The following PLPPR1 variants were observed in gnomAD, a reference collection of about 807,000 sequenced individuals.
PLPPR1 encodes the protein phospholipid phosphatase-related protein type 1.
PLPPR1 carries 10 observed loss-of-function variants against 33.1 expected under a neutral mutation model. That is an observed-to-expected ratio of 0.30 (90% CI 0.19 to 0.51). The LOEUF is 0.51. PLPPR1 is among the 20% of genes least tolerant of loss of function. The pLI, the probability that PLPPR1 is intolerant of heterozygous loss-of-function variation, is 0.97. For synonymous variants in PLPPR1, 151 were observed against 151.0 expected (o/e 1.00, Z 0.00); for missense variants, 304 against 408.1 (o/e 0.74, Z 2.20).
intron 3 of PLPPR1, among the ~76,000 whole-genome samples, chr9:101,275,013 C>G (rs1828163024): frequency 6.6e-6 from 1 of 152,218 alleles, no homozygotes; most frequent in Non-Finnish European, 1.5e-5. Context: ...CAAATCATGA[C>G]TCTCTTTCTG....
Position 101,317,424 on chromosome 9 carries a change from T to C in PLPPR1, c.873T>C (p.Pro291=), listed in dbSNP as rs16920154. The C allele has an allele frequency of 7.5e-3, 12,028 of 1,614,014 alleles. 627 individuals are homozygous for C. In the African/African-American group the frequency reaches 0.12, roughly 16 times the overall value. ...AAGGATCTCCTTCCAAACCCAAGCC[T>C]GAGGATCCCCGTGGAGTACCCCTAA... ...GTQGSPSKPK[P]EDPRGVPLMA... The change falls in exon 7 of 8, where the codon CCT becomes CCC. Residue 291 remains proline, a synonymous_variant. Transcript: ENST00000374874.
intron 1 of PLPPR1, among the ~76,000 whole-genome samples, chr9:101,151,549 A>G (rs1037811748): frequency 1.3e-5 from 2 of 152,230 alleles, no homozygotes; most frequent in Non-Finnish European, 2.9e-5. Context: ...ATCCTAAGCA[A>G]TGAGCTAATT....
rs970849810 is a variant in PLPPR1, at chr9:101,273,024, T to C, written c.252+2956T>C. ...GCTAAATACACAATACCAGACTGGT[T>C]TAATACATTATGTGCCAGCCATGTT... On this transcript the variant is annotated intron_variant, in intron 3 of 7. Transcript: ENST00000374874. Among the ~76,000 whole-genome samples the C allele has an allele frequency of 2.6e-5, 4 of 152,256 alleles. No homozygotes were observed. In the East Asian group the frequency reaches 7.7e-4, roughly 29 times the overall value.
intron 2 of PLPPR1, among the ~76,000 whole-genome samples, chr9:101,250,559 C>G (rs1404611285): frequency 6.6e-6 from 1 of 151,992 alleles, no homozygotes; most frequent in African/African-American, 2.4e-5. Flanking sequence ...GACTTAGTGA[C>G]AGGCTAGGTG....
At chr9:101,045,173 C>G (rs938048940) in intron 1 of PLPPR1, among the ~76,000 whole-genome samples, 1 of 152,168 alleles carries the variant, frequency 6.6e-6, no homozygotes, top group Non-Finnish European at 1.5e-5. Flanking sequence ...AAAGAAGGGT[C>G]TCAATGCCCT....
At chr9:101,251,029 A>G (rs1315031032) in intron 2 of PLPPR1, among the ~76,000 whole-genome samples, 2 of 151,998 alleles carry the variant, frequency 1.3e-5, no homozygotes, top group Admixed American at 6.6e-5. Context: ...GACCCCCCAA[A>G]TTGTGTCTCT....
chr9:101,259,892 A>AG (rs1487516258), intron 2 of PLPPR1, among the ~76,000 whole-genome samples: 1 of 152,108 alleles, frequency 6.6e-6, no homozygotes, highest in East Asian at 1.9e-4. Context: ...CTCAGTCAGC[A>AG]GGGGGATGAC....
rs1828066061 is a variant in PLPPR1 at position 101,270,039 on chromosome 9, T to C, written c.223T>C (p.Cys75Arg). ...CTTCATCACCCCTCTGGTGCTCTAT[T>C]GTGTGCTGGCTGCCACCCCAACTGC... ...ESFITPLVLY[C>R]VLAATPTAII... Residue 75 changes from cysteine (C) to arginine (R), a missense_variant, in exon 3 of 8, where the codon TGT becomes CGT. Coordinates refer to ENST00000374874, the MANE Select transcript of PLPPR1 (RefSeq NM_207299.2). 1.2e-6 allele frequency: 2 copies of C among 1,614,062 alleles called. No individual in the cohort carries two copies. The highest frequency in any genetic ancestry group is 1.3e-5 in the African/African-American group (1 of 74,938).
intron 1 of PLPPR1, among the ~76,000 whole-genome samples, chr9:101,113,193 A>C (rs1328512319): frequency 6.7e-6 from 1 of 148,326 alleles, no homozygotes; most frequent in Admixed American, 7.0e-5. Context: ...CTTAATTCTT[A>C]AGCATATTAA....
At chr9:101,187,353 A>G (rs1826222005) in intron 2 of PLPPR1, 1 of 151,314 alleles carries the variant, frequency 6.6e-6, no homozygotes, top group East Asian at 2.0e-4. Context: ...TAATGTGTGA[A>G]TGAAGAGCTT....
Position 101,159,175 on chromosome 9 carries a change from A to G in PLPPR1, c.-45-26275A>G, listed in dbSNP as rs147405393. Among the ~76,000 whole-genome samples the G allele has an allele frequency of 3.3e-3, 510 of 152,296 alleles. 1 individual carries two copies. Among genetic ancestry groups the G allele is most frequent in the African/African-American group, 0.012 (485 of 41,556 alleles). The stretch of plus-strand genomic sequence containing the variant: ...AAATAATCAGTGAATTAATCTAGGT[A>G]TTTAGAAATTAAAGTGGGGAAACAA... On this transcript the variant is annotated intron_variant, in intron 1 of 7. Transcript: ENST00000374874.
intron 5 of PLPPR1, 101 bp downstream of exon 5, chr9:101,309,562 AAATTT>A: frequency 7.7e-7 from 1 of 1,300,090 alleles, no homozygotes; most frequent in Middle Eastern, 2.6e-4. Context: ...AGCGACTCTT[AAATTT>A]ATGTATGGCA....
chr9:101,314,256 G>T (rs1829012520), intron 6 of PLPPR1, among the ~76,000 whole-genome samples: 1 of 152,142 alleles, frequency 6.6e-6, no homozygotes, highest in African/African-American at 2.4e-5. Flanking sequence ...ACACATAGCT[G>T]GATTTCAGTC....
chr9:101,316,865 T>C (rs1829062626), intron 6 of PLPPR1, among the ~76,000 whole-genome samples: 2 of 152,134 alleles, frequency 1.3e-5, no homozygotes, highest in Non-Finnish European at 2.9e-5. Context: ...GGCAAAATAG[T>C]ATAGGGATAT....
chr9:101,187,932 C>T (rs1483899421), intron 2 of PLPPR1: 1 of 151,548 alleles, frequency 6.6e-6, no homozygotes, highest in Non-Finnish European at 1.5e-5. Context: ...GCTTCTTTTC[C>T]CTACATGTTT....
chr9:101,143,242 G>GTCTA (rs1831476710), intron 1 of PLPPR1, among the ~76,000 whole-genome samples: 1 of 152,106 alleles, frequency 6.6e-6, no homozygotes, highest in Admixed American at 6.6e-5. Context: ...CCAGACTTAA[G>GTCTA]TCTATCAAAT....
At chr9:101,081,957 A>G (rs183359665) in intron 1 of PLPPR1, among the ~76,000 whole-genome samples, 1 of 152,372 alleles carries the variant, frequency 6.6e-6, no homozygotes, top group East Asian at 1.9e-4. Flanking sequence ...TGTCTGGATT[A>G]GGAAATATCT....
At chr9:101,083,389 GAA>G (rs11367880) in intron 1 of PLPPR1, among the ~76,000 whole-genome samples, 3,647 of 124,618 alleles carry the variant, frequency 0.029, 76 homozygotes, top group East Asian at 0.087. Flanking sequence ...TCCATCTCAA[GAA>G]AAAAAAAAAA....
chr9:101,143,982 T>A (rs1381563317), intron 1 of PLPPR1, among the ~76,000 whole-genome samples: 1 of 152,228 alleles, frequency 6.6e-6, no homozygotes, highest in African/African-American at 2.4e-5. Context: ...CATGCACACG[T>A]ATGTTTATTG....
Sources: allele counts gnomAD v4.1 joint callset (sites outside exome capture counted in the v4.1 genomes callset), GRCh38; gene constraint gnomAD v4.1.1; transcripts MANE v1.5; gene names NCBI Gene and HGNC (gene_info 2026-07-23, HGNC 2026-07-21).